MN1: variants seen among roughly 807,000 people sequenced by gnomAD.
MN1 encodes the protein MN1 proto-oncogene, transcriptional regulator, also known as transcriptional activator MN1.
Under a neutral mutation model 86.9 loss-of-function variants are expected in MN1, and 19 were observed. That is an observed-to-expected ratio of 0.22 (90% CI 0.15 to 0.32). MN1 has a LOEUF of 0.32. Ranked by LOEUF, MN1 falls within the 10% of genes least tolerant of loss-of-function variation. The probability of loss-of-function intolerance (pLI) is 1.00; values close to 1 mark genes in which losing one functional copy is unlikely to be tolerated. For synonymous variants in MN1, 928 were observed against 849.6 expected, an observed-to-expected ratio of 1.09 and a Z score of -1.60; for missense variants, 1,841 against 1,862.0, an observed-to-expected ratio of 0.99 and a Z score of 0.21.
chr22:27,786,060 A>G (rs1568978902), intron 1 of MN1, among the ~76,000 whole-genome samples: 2 of 152,256 alleles, frequency 1.3e-5, no homozygotes, highest in Non-Finnish European at 2.9e-5. Context: ...CTTGGTGGGA[A>G]CCGACGAGAT....
intron 1 of MN1, among the ~76,000 whole-genome samples, chr22:27,784,258 GC>G (rs1359891139): frequency 6.6e-6 from 1 of 152,184 alleles, no homozygotes; most frequent in Admixed American, 6.5e-5. Context: ...GCCAGGCCAG[GC>G]CTGAGTGCAC....
At position 27,797,718 on chromosome 22, in the gene MN1, TCCCCGGCCGCCGC is replaced by T; in HGVS notation, c.2813_2825del (p.Gly938AspfsTer12). 1 of 1,611,354 alleles carries T rather than the reference TCCCCGGCCGCCGC, an allele frequency of 6.2e-7. No individual in the cohort carries two copies. The highest frequency in any genetic ancestry group is 8.5e-7 in the Non-Finnish European group (1 of 1,179,394). ...CACTGTCCCTTTTTCTGCGACCCCG[TCCCCGGCCGCCGC>T]CCCCGGAGACCGGCTTGCCGTCATT... On this transcript the variant is annotated frameshift_variant, in exon 1 of 2. Coordinates refer to ENST00000302326, the MANE Select transcript of MN1 (RefSeq NM_002430.3). LOFTEE classifies it high-confidence loss of function.
At position 27,750,874 on chromosome 22, in the gene MN1, G is replaced by A. The variant is rs766702643; in HGVS notation, c.*41C>T. 16 of 1,509,454 alleles carry A rather than the reference G, an allele frequency of 1.1e-5. 1 individual carries two copies. In the South Asian group the frequency reaches 1.9e-4, roughly 18 times the overall value. The allele number at this position is 1,509,454 out of a possible 1,614,324, so 93.5% of individuals were successfully genotyped here. A position where few individuals can be genotyped will look rare whatever the true frequency, so the allele number is the denominator to read the frequency against. ...TGAGGGGGAAGGAAACAGACAGGGG[G>A]AGAGGAAGGGCCTGGTAGAGGAGGG... On this transcript the variant is annotated 3_prime_UTR_variant, in exon 2 of 2. Coordinates refer to ENST00000302326, the MANE Select transcript of MN1 (RefSeq NM_002430.3).
intron 1 of MN1, among the ~76,000 whole-genome samples, chr22:27,791,468 T>A (rs1933210072): frequency 6.6e-6 from 1 of 151,882 alleles, no homozygotes; most frequent in Non-Finnish European, 1.5e-5. Flanking sequence ...AATGATGAGG[T>A]TGGGCGATCC....
rs997203255 is a variant in MN1, at chr22:27,801,670, G to A, written c.-1127C>T. Among the ~76,000 whole-genome samples, 2 of 152,142 alleles carry A rather than the reference G, an allele frequency of 1.3e-5. No homozygotes were observed. Among genetic ancestry groups the A allele is most frequent in the Non-Finnish European group, 2.9e-5 (2 of 68,008 alleles). ...GGTCTGCGCACCCCTCTCCCGACTA[G>A]CGGGGGGGCTCTGCGTGGGGCGTTC... On this transcript the variant is annotated 5_prime_UTR_variant, in exon 1 of 2. Transcript: ENST00000302326.
chr22:27,774,178 A>C (rs1807510), intron 1 of MN1, among the ~76,000 whole-genome samples: 21,121 of 152,176 alleles, frequency 0.14, 1,707 homozygotes, highest in East Asian at 0.26. Context: ...CTCTGGGAGA[A>C]TGCAAAACAC....
rs1306776309 is a variant in MN1 at position 27,777,518 on chromosome 22, G to T, written c.3781+19245C>A. Among the ~76,000 whole-genome samples, 3 of 137,610 alleles carry T rather than the reference G, an allele frequency of 2.2e-5. No homozygotes were observed. In the East Asian group the frequency reaches 6.5e-4, roughly 30 times the overall value. 90.3% of individuals were successfully genotyped at this position (137,610 alleles called of 152,430 possible). ...CCTGCACTCCAGCCTAAGTGACAGA[G>T]CTAGACCTTGTTTCTAAAAAAAAAA... is the stretch of plus-strand genomic sequence containing the variant. On this transcript the variant is annotated intron_variant, in intron 1 of 1. Transcript: ENST00000302326.
chr22:27,800,713 G>C lies in MN1; in HGVS notation c.-170C>G. 3 of 739,368 alleles carry C rather than the reference G, an allele frequency of 4.1e-6. No homozygotes were observed. Among genetic ancestry groups the C allele is most frequent in the Non-Finnish European group, 6.6e-6 (3 of 457,806 alleles). 45.8% of individuals were successfully genotyped at this position (739,368 alleles called of 1,614,324 possible). A position where few individuals can be genotyped will look rare whatever the true frequency, so the allele number is the denominator to read the frequency against. ...CCTGATGTGAGGGACGGGGGGCGGG[G>C]TATTAGCTCCTCTCCTGAAGCTCCG... On this transcript the variant is annotated 5_prime_UTR_variant, in exon 1 of 2. Coordinates refer to ENST00000302326, the MANE Select transcript of MN1 (RefSeq NM_002430.3).
intron 1 of MN1, among the ~76,000 whole-genome samples, chr22:27,780,431 C>CCGGA (rs1933037333): frequency 6.6e-6 from 1 of 152,296 alleles, no homozygotes; most frequent in East Asian, 1.9e-4. Flanking sequence ...CTCCAGGGTG[C>CCGGA]CGGAGCCCAT....
rs758093453 is a variant in MN1, at chr22:27,798,016, T to C, written c.2528A>G (p.Asn843Ser). 2.5e-6 allele frequency: 4 copies of C among 1,605,644 alleles called. No homozygotes were observed. Among genetic ancestry groups the C allele is most frequent in the Non-Finnish European group, 3.4e-6 (4 of 1,177,292 alleles). ...QNMIASLGAP[N>S]LNVTFNKKNP... ...CTTCTTGTTGAAGGTCACGTTGAGGTTGGGGGCCCCGAGGCTGGCGATCAT... is the reference window on the plus strand; with the variant it reads ...CTTCTTGTTGAAGGTCACGTTGAGGCTGGGGGCCCCGAGGCTGGCGATCAT... The change falls in exon 1 of 2, where the codon AAC becomes AGC. Residue 843 changes from asparagine (N) to serine (S), a missense_variant. Coordinates refer to ENST00000302326, the MANE Select transcript of MN1 (RefSeq NM_002430.3).
intron 1 of MN1, among the ~76,000 whole-genome samples, chr22:27,792,162 A>AC (rs1933219332): frequency 6.6e-6 from 1 of 152,000 alleles, no homozygotes; most frequent in Non-Finnish European, 1.5e-5. Context: ...AATTAGATTA[A>AC]CTAACTCTCA....
At chr22:27,772,408 G>A (rs1418305293) in intron 1 of MN1, among the ~76,000 whole-genome samples, 1 of 152,246 alleles carries the variant, frequency 6.6e-6, no homozygotes, top group East Asian at 1.9e-4. Flanking sequence ...TGGAAATAGA[G>A]CAGTTAGAGT....
At chr22:27,774,811 G>A (rs1932955579) in intron 1 of MN1, among the ~76,000 whole-genome samples, 1 of 152,148 alleles carries the variant, frequency 6.6e-6, no homozygotes, top group Non-Finnish European at 1.5e-5. Context: ...AGGGCCCTGT[G>A]TGCCAGGGGC....
chr22:27,798,318 G>T lies in MN1; in HGVS notation c.2226C>A (p.Gly742=), dbSNP rs543715354. The T allele has an allele frequency of 3.3e-6, 5 of 1,519,132 alleles. No individual in the cohort carries two copies. The East Asian group carries it at 1.3e-4, about 39-fold the overall frequency. 94.1% of individuals were successfully genotyped at this position (1,519,132 alleles called of 1,614,324 possible). Residue 742 remains glycine (G), a synonymous_variant, in exon 1 of 2, where the codon GGC becomes GGA. Transcript: ENST00000302326. ...CTGCACCAAACGGAAAGCCCGGCTGGCCCCCGAGCGCAGACGTAGCAAAGT... is the reference window on the plus strand; with the variant it reads ...CTGCACCAAACGGAAAGCCCGGCTGTCCCCCGAGCGCAGACGTAGCAAAGT... ...PPDFATSALG[G]QPGFPFGAAG...
Position 27,797,625 on chromosome 22 carries a change from C to T in MN1, c.2919G>A (p.Gly973=), listed in dbSNP as rs1406138071. The part of the protein sequence containing the change: ...SAAPDSGGAP[G]VSPGQQQASG... ...ACGCTTGCTGCTGCCCTGGGCTCAC[C>T]CCAGGTGCGCCCCCGCTGTCCGGAG... Residue 973 remains glycine, a synonymous_variant, in exon 1 of 2, where the codon GGG becomes GGA. Coordinates refer to ENST00000302326, the MANE Select transcript of MN1 (RefSeq NM_002430.3). 1 of 1,594,270 alleles carries T rather than the reference C, an allele frequency of 6.3e-7. No homozygotes were observed. Among genetic ancestry groups the T allele is most frequent in the Admixed American group, 1.7e-5 (1 of 58,082 alleles).
Position 27,800,942 on chromosome 22 carries a change from C to G in MN1, c.-399G>C, listed in dbSNP as rs553123511. 3.9e-5 allele frequency: 15 copies of G among 385,168 alleles called. No homozygotes were observed. The South Asian group carries it at 4.5e-4, about 12-fold the overall frequency. The allele number at this position is 385,168 out of a possible 1,614,324, so 23.9% of individuals were successfully genotyped here. Reference sequence around the variant, plus strand: ...TGGGAGAGCAGAGCGATCACCTTCTCAAGTCCGATTGGGTCTGCTGGGGAG... The same window carrying G: ...TGGGAGAGCAGAGCGATCACCTTCTGAAGTCCGATTGGGTCTGCTGGGGAG... On this transcript the variant is annotated 5_prime_UTR_variant, in exon 1 of 2. Transcript: ENST00000302326.
At chr22:27,774,786 C>T (rs144966951) in intron 1 of MN1, among the ~76,000 whole-genome samples, 3 of 152,242 alleles carry the variant, frequency 2.0e-5, no homozygotes, top group Non-Finnish European at 4.4e-5. Context: ...TAGCAACAGT[C>T]GTGACAATTC....
intron 1 of MN1, among the ~76,000 whole-genome samples, chr22:27,788,956 C>G (rs1933176321): frequency 6.6e-6 from 1 of 152,104 alleles, no homozygotes; most frequent in South Asian, 2.1e-4. Flanking sequence ...AACCATCATG[C>G]CCAAAACTCT....
chr22:27,779,615 C>T (rs1255600231), intron 1 of MN1, among the ~76,000 whole-genome samples: 1 of 152,202 alleles, frequency 6.6e-6, no homozygotes, highest in Non-Finnish European at 1.5e-5. Flanking sequence ...GGTCACTTGG[C>T]CTCTCTGGGA....
Sources: allele counts gnomAD v4.1 joint callset (sites outside exome capture counted in the v4.1 genomes callset), GRCh38; gene constraint gnomAD v4.1.1; transcripts MANE v1.5; gene names NCBI Gene and HGNC (gene_info 2026-07-23, HGNC 2026-07-21).